SEC22C: variants seen among roughly 807,000 people sequenced by gnomAD.
The protein encoded by SEC22C is vesicle-trafficking protein SEC22c.
A neutral mutation model predicts 34.7 loss-of-function variants in SEC22C; 29 were observed. That is an observed-to-expected ratio of 0.84 (90% CI 0.62 to 1.14). The LOEUF (loss-of-function observed/expected upper bound fraction) is 1.14. SEC22C is among the 50% of genes most tolerant of loss of function. The pLI is 0.00. For synonymous variants in SEC22C, 117 were observed against 132.8 expected (o/e 0.88, Z 0.82); for missense variants, 337 against 369.0 (o/e 0.91, Z 0.71).
intron 1 of SEC22C, chr3:42,600,927 T>G (rs879549245): frequency 4.0e-6 from 4 of 1,006,710 alleles, no homozygotes; most frequent in Non-Finnish European, 5.5e-6. Context: ...CCCTCGCCCC[T>G]GCCCTCGCCC....
chr3:42,586,857 CTG>C (rs1704629054), upstream of SEC22C, among the ~76,000 whole-genome samples: 1 of 152,226 alleles, frequency 6.6e-6, no homozygotes, highest in African/African-American at 2.4e-5. Flanking sequence ...TCACCTCACA[CTG>C]TACATTTCCA....
At chr3:42,594,594 G>A in intron 1 of SEC22C, 4 of 1,207,420 alleles carry the variant, frequency 3.3e-6, no homozygotes, top group Non-Finnish European at 4.8e-6. Flanking sequence ...AATGGAGACA[G>A]GGTCTTTACC....
At position 42,568,963 on chromosome 3, in the gene SEC22C, T is replaced by G; in HGVS notation, c.84A>C (p.Gln28His). The G allele has an allele frequency of 6.2e-7, 1 of 1,614,150 alleles. No individual in the cohort carries two copies. Among genetic ancestry groups the G allele is most frequent in the East Asian group, 2.2e-5 (1 of 44,892 alleles). ...LSASTDFYHT[Q>H]DFLEWRRRLK... ...GCCGTCTCCTCCATTCCAAAAAATCTTGGGTGTGGTAAAAATCAGTAGAGG... is the reference window on the plus strand; with the variant it reads ...GCCGTCTCCTCCATTCCAAAAAATCGTGGGTGTGGTAAAAATCAGTAGAGG... The change falls in exon 2 of 7, where the codon CAA becomes CAC. Residue 28 changes from glutamine to histidine, a missense_variant. Transcript: ENST00000264454.
At chr3:42,588,536 G>C (rs1413860513) in intron 1 of SEC22C, among the ~76,000 whole-genome samples, 1 of 152,168 alleles carries the variant, frequency 6.6e-6, no homozygotes. Flanking sequence ...AGATCTTTGT[G>C]TGTATATATA....
intron 5 of SEC22C, 86 bp from the exon 6 acceptor site, chr3:42,556,081 T>C: frequency 9.9e-7 from 1 of 1,011,806 alleles, no homozygotes; most frequent in South Asian, 1.4e-5. Context: ...CTGCCTTCTG[T>C]CTGGTATGGT....
In SEC22C at chr3:42,552,629, T is replaced by A. The variant is rs755340487; in HGVS notation, c.*619A>T. The A allele has an allele frequency of 1.3e-4, 126 of 983,970 alleles. No individual in the cohort carries two copies. Among genetic ancestry groups the A allele is most frequent in the Non-Finnish European group, 1.5e-4 (122 of 828,696 alleles). The allele number at this position is 983,970 out of a possible 1,614,324, so 61.0% of individuals were successfully genotyped here. A position where few individuals can be genotyped will look rare whatever the true frequency, so the allele number is the denominator to read the frequency against. ...TAAATAAACTCAGATTTCTTAACCA[T>A]TTTCTCAGCTTAAGTTTGCCCTCAC... On this transcript the variant is annotated 3_prime_UTR_variant, in exon 7 of 7. Coordinates refer to ENST00000264454, the MANE Select transcript of SEC22C (RefSeq NM_032970.4).
intron 2 of SEC22C, among the ~76,000 whole-genome samples, chr3:42,564,839 C>T (rs1038223768): frequency 6.6e-6 from 1 of 152,188 alleles, no homozygotes. Flanking sequence ...CTCACTGCAG[C>T]CTCAACCTCC....
chr3:42,590,882 C>T, intron 1 of SEC22C: 2 of 1,584,838 alleles, frequency 1.3e-6, no homozygotes, highest in Non-Finnish European at 1.7e-6. Flanking sequence ...GGTCGTGGTT[C>T]CGGAGGTTCC....
exon 1 of SEC22C, chr3:42,601,039 C>G: frequency 1.3e-6 from 2 of 1,583,230 alleles, no homozygotes; most frequent in South Asian, 1.2e-5. Flanking sequence ...AGTGCCACTT[C>G]GACATCGAGA....
upstream of SEC22C, among the ~76,000 whole-genome samples, chr3:42,583,248 A>C (rs1344416511): frequency 1.3e-5 from 2 of 152,240 alleles, no homozygotes; most frequent in African/African-American, 4.8e-5. Context: ...CCTGGGAGCC[A>C]GTGCAGTCAT....
chr3:42,577,875 C>T (rs766159083), intron 1 of SEC22C, among the ~76,000 whole-genome samples: 2 of 151,996 alleles, frequency 1.3e-5, no homozygotes, highest in African/African-American at 2.4e-5. Context: ...GAGGCTGAGG[C>T]AGGAGAATCA....
At chr3:42,580,557 G>T (rs978812240) in intron 1 of SEC22C, 9 of 152,178 alleles carry the variant, frequency 5.9e-5, no homozygotes, top group African/African-American at 2.2e-4. Flanking sequence ...CATTTGTTAG[G>T]AACTAAGAGG....
At chr3:42,598,089 A>T (rs1705083417) in intron 1 of SEC22C, among the ~76,000 whole-genome samples, 1 of 152,226 alleles carries the variant, frequency 6.6e-6, no homozygotes, top group Non-Finnish European at 1.5e-5. Flanking sequence ...TATCCAAAAT[A>T]ATTGAAAGCA....
At chr3:42,582,452 C>CA (rs912805878), upstream of SEC22C, 1 of 152,364 alleles carries the variant, frequency 6.6e-6, no homozygotes, top group African/African-American at 2.4e-5. Flanking sequence ...CAGGGGGACA[C>CA]ACCCCAAGCT....
intron 1 of SEC22C, chr3:42,594,346 G>T: frequency 8.8e-7 from 1 of 1,141,290 alleles, no homozygotes. Flanking sequence ...ACTAGAGTGG[G>T]TAAATTATTT....
exon 1 of SEC22C, chr3:42,600,971 C>A: frequency 6.6e-7 from 1 of 1,513,210 alleles, no homozygotes; most frequent in Non-Finnish European, 8.9e-7. Flanking sequence ...GCTTTTCTCC[C>A]CCTCTCTCCC....
At chr3:42,575,406 A>G (rs1249665812) in intron 1 of SEC22C, among the ~76,000 whole-genome samples, 1 of 152,248 alleles carries the variant, frequency 6.6e-6, no homozygotes, top group Non-Finnish European at 1.5e-5. Context: ...CAGTATAACA[A>G]TATAGGTAGG....
Position 42,550,229 on chromosome 3 carries a change from A to G in SEC22C, c.*3019T>C, listed in dbSNP as rs568244184. ...GCATCTGATACCAGAAGGCACCTCTAAAGTTTTGTTTTCAACATTATTTCA... is the reference window on the plus strand; with the variant it reads ...GCATCTGATACCAGAAGGCACCTCTGAAGTTTTGTTTTCAACATTATTTCA... On this transcript the variant is annotated 3_prime_UTR_variant, in exon 7 of 7. Coordinates refer to ENST00000264454, the MANE Select transcript of SEC22C (RefSeq NM_032970.4). The G allele has an allele frequency of 2.0e-6, 2 of 985,470 alleles. No individual in the cohort carries two copies. Among genetic ancestry groups the G allele is most frequent in the East Asian group, 2.3e-4 (2 of 8,814 alleles). The allele number at this position is 985,470 out of a possible 1,614,324, so 61.0% of individuals were successfully genotyped here. A position where few individuals can be genotyped will look rare whatever the true frequency, so the allele number is the denominator to read the frequency against.
chr3:42,597,918 C>CA (rs1432258569), intron 1 of SEC22C, among the ~76,000 whole-genome samples: 1 of 152,136 alleles, frequency 6.6e-6, no homozygotes, highest in South Asian at 2.1e-4. Flanking sequence ...TAAAGAAAAC[C>CA]AAAAAATAAC....
Sources: allele counts gnomAD v4.1 joint callset (sites outside exome capture counted in the v4.1 genomes callset), GRCh38; gene constraint gnomAD v4.1.1; transcripts MANE v1.5; gene names NCBI Gene and HGNC (gene_info 2026-07-23, HGNC 2026-07-21).